Variants in BAZ1B observed in about 807,000 individuals in gnomAD.
The protein encoded by BAZ1B is tyrosine-protein kinase BAZ1B.
BAZ1B carries 22 observed loss-of-function variants against 153.8 expected under a neutral mutation model. The observed-to-expected ratio is 0.14, with a 90% CI of 0.10 to 0.20. BAZ1B has a LOEUF of 0.20. Ranked by LOEUF, BAZ1B falls within the 10% of genes least tolerant of loss-of-function variation. The pLI is 1.00. For synonymous variants in BAZ1B, 676 were observed against 633.4 expected (o/e 1.07, Z -1.01); for missense variants, 1,325 against 1,799.3 (o/e 0.74, Z 4.77).
chr7:73,474,166 C>G (rs1554572454), intron 7 of BAZ1B, among the ~76,000 whole-genome samples: 2 of 151,960 alleles, frequency 1.3e-5, no homozygotes, highest in East Asian at 3.9e-4. Flanking sequence ...ACAAGCGTAT[C>G]AAGGCCATTC....
At chr7:73,445,268 G>C (rs1185236355) in intron 16 of BAZ1B, among the ~76,000 whole-genome samples, 1 of 152,146 alleles carries the variant, frequency 6.6e-6, no homozygotes, top group Non-Finnish European at 1.5e-5. Context: ...TCTATTTCTG[G>C]ATCACGATAA....
intron 17 of BAZ1B, among the ~76,000 whole-genome samples, chr7:73,443,205 A>G (rs1787695160): frequency 1.3e-5 from 2 of 152,238 alleles, no homozygotes; most frequent in Admixed American, 1.3e-4. Context: ...TCAACAAGCC[A>G]CTGCAGAAAG....
intron 3 of BAZ1B, among the ~76,000 whole-genome samples, chr7:73,499,285 C>G (rs1790034556): frequency 6.6e-6 from 1 of 152,172 alleles, no homozygotes. Context: ...GTCTCAGCCT[C>G]CCAAAGGGCT....
chr7:73,442,469 A>G lies in BAZ1B; in HGVS notation c.4179T>C (p.Cys1393=), dbSNP rs1563359447. The G allele has an allele frequency of 6.2e-7, 1 of 1,614,230 alleles. No homozygotes were observed. The highest frequency in any genetic ancestry group is 8.5e-7 in the Non-Finnish European group (1 of 1,180,046). ...PMDFQTVQNK[C]SCGSYRSVQE... The stretch of plus-strand genomic sequence containing the variant: ...GCACAGAGCGGTAGCTCCCACAGGA[A>G]CATTTGTTCTGCACTGTCTGAAAGT... The change falls in exon 19 of 20, where the codon TGT becomes TGC. Residue 1393 remains cysteine (C), a synonymous_variant. Transcript: ENST00000339594.
intron 3 of BAZ1B, among the ~76,000 whole-genome samples, chr7:73,504,959 C>T (rs1416821894): frequency 1.3e-5 from 2 of 152,172 alleles, no homozygotes; most frequent in African/African-American, 2.4e-5. Flanking sequence ...AACTTTGAAA[C>T]CAGAGAGACA....
chr7:73,466,399 T>G lies in BAZ1B; in HGVS notation c.2869A>C (p.Lys957Gln). The G allele has an allele frequency of 6.2e-7, 1 of 1,610,696 alleles. No homozygotes were observed. Among genetic ancestry groups the G allele is most frequent in the Admixed American group, 1.7e-5 (1 of 59,972 alleles). The stretch of plus-strand genomic sequence containing the variant: ...GCATTTTTACCTAAGTTTGCTTTCT[T>G]ACCTAAGAAAAATTGAGACATTAGG... ...SGDEDYCPRS[K>Q]KANLGKNASM... Residue 957 changes from lysine to glutamine, a missense_variant and splice_region_variant, in exon 10 of 20, where the codon AAG (lysine) becomes CAG (glutamine). Lys to Gln is a moderately conservative substitution (Grantham distance 53, BLOSUM62 1). Around this residue, in one of 9 missense-constraint regions of BAZ1B, gnomAD observed 431 missense variants for 563.5 expected, o/e 0.76. Transcript: ENST00000339594.
intron 1 of BAZ1B, among the ~76,000 whole-genome samples, chr7:73,514,640 T>C (rs1209778099): frequency 6.6e-6 from 1 of 150,936 alleles, no homozygotes; most frequent in Non-Finnish European, 1.5e-5. Flanking sequence ...CAAAACCCCA[T>C]CTCTATTAAA....
At chr7:73,495,097 A>G (rs1789821830) in intron 4 of BAZ1B, among the ~76,000 whole-genome samples, 1 of 152,220 alleles carries the variant, frequency 6.6e-6, no homozygotes, top group South Asian at 2.1e-4. Context: ...CAGCCTGGCC[A>G]GCATGGTGAA....
At chr7:73,509,625 G>T (rs1790493443) in intron 2 of BAZ1B, among the ~76,000 whole-genome samples, 1 of 151,430 alleles carries the variant, frequency 6.6e-6, no homozygotes, top group Non-Finnish European at 1.5e-5. Flanking sequence ...AGAGGCTGAG[G>T]CAAGAGGCTG....
At chr7:73,481,200 G>A (rs1789183157) in intron 6 of BAZ1B, among the ~76,000 whole-genome samples, 1 of 151,662 alleles carries the variant, frequency 6.6e-6, no homozygotes, top group Non-Finnish European at 1.5e-5. Flanking sequence ...TGGGATTACA[G>A]GCATGAGCCA....
intron 9 of BAZ1B, among the ~76,000 whole-genome samples, chr7:73,467,765 C>T (rs1050904465): frequency 1.3e-5 from 2 of 152,278 alleles, no homozygotes; most frequent in African/African-American, 4.8e-5. Flanking sequence ...GGGTCTGGCT[C>T]CCCAATCTTG....
intron 1 of BAZ1B, among the ~76,000 whole-genome samples, chr7:73,512,221 C>A (rs935721322): frequency 4.6e-5 from 7 of 151,922 alleles, no homozygotes; most frequent in Non-Finnish European, 8.8e-5. Context: ...TTTGTCCAAC[C>A]TGCGGCCCAG....
intron 8 of BAZ1B, 132 bp from the exon 9 acceptor site, chr7:73,469,782 G>A: frequency 1.9e-6 from 2 of 1,063,012 alleles, no homozygotes; most frequent in South Asian, 1.5e-5. Context: ...TTCCTCTTCA[G>A]AACTCTAGAC....
intron 4 of BAZ1B, among the ~76,000 whole-genome samples, chr7:73,496,477 G>A (rs1554576405): frequency 6.6e-6 from 1 of 152,196 alleles, no homozygotes; most frequent in Non-Finnish European, 1.5e-5. Context: ...TGCAAAGTTT[G>A]TACCAGTTAA....
At chr7:73,473,230 G>C (rs1030906686) in intron 7 of BAZ1B, among the ~76,000 whole-genome samples, 1 of 152,182 alleles carries the variant, frequency 6.6e-6, no homozygotes, top group African/African-American at 2.4e-5. Flanking sequence ...GTGAGCCACC[G>C]AGCCTGGCCT....
At chr7:73,512,313 T>TA (rs1456958415) in intron 1 of BAZ1B, among the ~76,000 whole-genome samples, 1 of 151,896 alleles carries the variant, frequency 6.6e-6, no homozygotes, top group Non-Finnish European at 1.5e-5. Context: ...TTTTTTTTTT[T>TA]AGCTGATCAA....
At chr7:73,465,400 G>A (rs368904669) in intron 11 of BAZ1B, 39 bp downstream of exon 11, 1 of 1,325,720 alleles carries the variant, frequency 7.5e-7, no homozygotes, top group South Asian at 1.5e-5. Flanking sequence ...CAATGCTAAA[G>A]AGAAGTAAGA....
chr7:73,459,700 A>G lies in BAZ1B; in HGVS notation c.3268T>C (p.Leu1090=), dbSNP rs893881642. ...FEARVISLEK[L]KDFGECVIAL... ...ATCACACACTCACCAAAATCCTTCA[A>G]TTTCTCTAATGAAATGACCTATAGG... Residue 1090 remains leucine, a synonymous_variant, in exon 13 of 20, where the codon TTG becomes CTG. Coordinates refer to ENST00000339594, the MANE Select transcript of BAZ1B (RefSeq NM_032408.4). 3 of 1,605,740 alleles carry G rather than the reference A, an allele frequency of 1.9e-6. No individual in the cohort carries two copies. The highest frequency in any genetic ancestry group is 1.1e-5 in the South Asian group (1 of 89,676).
intron 6 of BAZ1B, among the ~76,000 whole-genome samples, chr7:73,479,558 T>C (rs1554573411): frequency 2.7e-5 from 4 of 146,652 alleles, no homozygotes; most frequent in African/African-American, 1.0e-4. Context: ...TTTCACACCA[T>C]CCTCTCTTTG....
Sources: gnomAD v4.1 joint callset for allele counts (sites outside exome capture counted in the v4.1 genomes callset) on GRCh38, gnomAD v4.1.1 for gene constraint, gnomAD v4.1.1 regional missense constraint, MANE v1.5 for transcripts, NCBI Gene and HGNC (gene_info 2026-07-23, HGNC 2026-07-21) for gene names.